KIF1A: variants seen among roughly 807,000 people sequenced by gnomAD.
KIF1A encodes kinesin-like protein KIF1A.
KIF1A carries 46 observed loss-of-function variants against 227.3 expected under a neutral mutation model. The observed-to-expected ratio is 0.20, with a 90% CI of 0.16 to 0.26. The LOEUF (loss-of-function observed/expected upper bound fraction) is 0.26, where lower values mean the gene tolerates loss of function less well. Among genes scored for constraint, KIF1A ranks in the 10% least tolerant of loss-of-function variants. The probability of loss-of-function intolerance (pLI) is 1.00; values close to 1 mark genes in which losing one functional copy is unlikely to be tolerated. For missense variants in KIF1A, 1,683 were observed against 2,485.9 expected (o/e 0.68, Z 6.87); for synonymous variants, 1,022 against 1,012.8 (o/e 1.01, Z -0.17).
intron 38 of KIF1A, among the ~76,000 whole-genome samples, chr2:240,729,352 T>C (rs1353524289): frequency 6.6e-6 from 1 of 152,138 alleles, no homozygotes; most frequent in African/African-American, 2.4e-5. Context: ...CCCTCACCCC[T>C]GGGCCCCAGG....
chr2:240,769,295 C>T (rs1049833346), intron 16 of KIF1A, 87 bp from the exon 17 acceptor site: 7 of 1,197,544 alleles, frequency 5.8e-6, no homozygotes, highest in Middle Eastern at 2.7e-4. Context: ...GGGCAGCGGG[C>T]CTGTGGCCAC....
Position 240,790,430 on chromosome 2 carries a change from G to A in KIF1A, c.107-1118C>T, listed in dbSNP as rs547581292. Among the ~76,000 whole-genome samples the A allele has an allele frequency of 2.3e-4, 35 of 152,156 alleles. No homozygotes were observed. Among genetic ancestry groups the A allele is most frequent in the Non-Finnish European group, 3.8e-4 (26 of 68,016 alleles). On this transcript the variant is annotated intron_variant, in intron 2 of 48. Transcript: ENST00000498729. The surrounding 1 kb of genome is among the most constrained non-coding windows in gnomAD (Gnocchi z 5.0). Reference sequence around the variant, plus strand: ...CCCGGATTGGTTTTCCTCAGCCAGCGTGGGCTGGGGGCCAGCGGCACAGCC... The same window carrying A: ...CCCGGATTGGTTTTCCTCAGCCAGCATGGGCTGGGGGCCAGCGGCACAGCC...
rs950648190 is a variant in KIF1A at position 240,789,754 on chromosome 2, C to T, written c.107-442G>A. 2.8e-4 allele frequency among the ~76,000 whole-genome samples: 43 copies of T among 152,226 alleles called. No individual in the cohort carries two copies. The highest frequency in any genetic ancestry group is 1.0e-3 in the African/African-American group (43 of 41,538). On this transcript the variant is annotated intron_variant, in intron 2 of 48. Coordinates refer to ENST00000498729, the MANE Select transcript of KIF1A (RefSeq NM_001244008.2). This position sits in a 1 kb window ranked among gnomAD's most constrained non-coding sequence, Gnocchi z 4.8. ...GCCCGAGAAGCGCTGGAAGCCTGGG[C>T]GTCCATCACGTTTGTGTTACGCCTG...
chr2:240,720,099 C>G, intron 45 of KIF1A, 173 bp from the exon 46 acceptor site: 1 of 539,342 alleles, frequency 1.9e-6, no homozygotes, highest in South Asian at 4.2e-5. Context: ...CCAGGATAGC[C>G]AAGCTTGTGC....
chr2:240,747,847 C>G (rs1386350171), intron 28 of KIF1A, among the ~76,000 whole-genome samples: 1 of 152,246 alleles, frequency 6.6e-6, no homozygotes, highest in Non-Finnish European at 1.5e-5. Flanking sequence ...CTCAGTGGAC[C>G]TGCTGCCTAA....
Position 240,758,277 on chromosome 2 carries a change from T to G in KIF1A, c.2582+83A>C. On this transcript the variant is annotated intron_variant, in intron 26 of 48. Transcript: ENST00000498729. The surrounding 1 kb of genome is among the most constrained non-coding windows in gnomAD (Gnocchi z 5.2). Reference sequence around the variant, plus strand: ...GCACTTGTCAGGGCCGCTCCTTGTATCAGGCCAGGGCCCACTCCTACCCCC... The same window carrying G: ...GCACTTGTCAGGGCCGCTCCTTGTAGCAGGCCAGGGCCCACTCCTACCCCC... The G allele has an allele frequency of 6.8e-7, 1 of 1,463,038 alleles. No homozygotes were observed. The highest frequency in any genetic ancestry group is 9.2e-7 in the Non-Finnish European group (1 of 1,088,958). The allele number at this position is 1,463,038 out of a possible 1,614,324, so 90.6% of individuals were successfully genotyped here. A position where few individuals can be genotyped will look rare whatever the true frequency, so the allele number is the denominator to read the frequency against.
intron 1 of KIF1A, among the ~76,000 whole-genome samples, chr2:240,801,133 A>T (rs1410339896): frequency 6.6e-6 from 1 of 152,222 alleles, no homozygotes; most frequent in Non-Finnish European, 1.5e-5. Flanking sequence ...AACAAAGAGG[A>T]AAAATAAAAT....
intron 2 of KIF1A, among the ~76,000 whole-genome samples, chr2:240,796,439 C>G (rs930645166): frequency 3.3e-5 from 5 of 152,220 alleles, no homozygotes; most frequent in Non-Finnish European, 7.3e-5. Context: ...ACGGAGGTCA[C>G]CCACTTACGA....
At position 240,739,377 on chromosome 2, in the gene KIF1A, T is replaced by C. The variant is rs946983139; in HGVS notation, c.3901+681A>G. ...AACATGAGGTCATGGAAGAAAAGAG[T>C]GTAAGATCCTTGGTGATGGTTATGG... On this transcript the variant is annotated intron_variant, in intron 37 of 48. Transcript: ENST00000498729. This position sits in a 1 kb window ranked among gnomAD's most constrained non-coding sequence, Gnocchi z 5.6. 8.5e-5 allele frequency among the ~76,000 whole-genome samples: 13 copies of C among 152,048 alleles called. No homozygotes were observed. The highest frequency in any genetic ancestry group is 3.1e-4 in the African/African-American group (13 of 41,376).
chr2:240,806,757 G>A (rs2057436260), intron 1 of KIF1A, among the ~76,000 whole-genome samples: 1 of 151,994 alleles, frequency 6.6e-6, no homozygotes. Flanking sequence ...ATAAGCAATA[G>A]AAACATGAAT....
upstream of KIF1A, among the ~76,000 whole-genome samples, chr2:240,820,948 C>T (rs1262685981): frequency 2.6e-5 from 4 of 152,128 alleles, no homozygotes; most frequent in Non-Finnish European, 2.9e-5. This position sits in a 1 kb window ranked among gnomAD's most constrained non-coding sequence, Gnocchi z 6.2. Flanking sequence ...CCTTGGACCC[C>T]CAAGTCACAC....
At chr2:240,734,398 G>T (rs1575542212) in intron 38 of KIF1A, among the ~76,000 whole-genome samples, 1 of 152,176 alleles carries the variant, frequency 6.6e-6, no homozygotes, top group Non-Finnish European at 1.5e-5. Context: ...GGCAGGCAAG[G>T]CTGGGGCAGG....
intron 44 of KIF1A, 139 bp from the exon 45 acceptor site, chr2:240,721,177 A>C: frequency 8.5e-7 from 1 of 1,181,874 alleles, no homozygotes; most frequent in Non-Finnish European, 1.2e-6. Context: ...CCTTGGCTCA[A>C]AGTTGGCCAG....
chr2:240,762,681 C>T, intron 23 of KIF1A, 38 bp downstream of exon 23: 4 of 1,534,740 alleles, frequency 2.6e-6, no homozygotes, highest in Non-Finnish European at 3.5e-6. Flanking sequence ...TGCTGAGACC[C>T]TCCTGACGCA....
chr2:240,779,281 C>G (rs866540096), intron 10 of KIF1A, among the ~76,000 whole-genome samples: 8 of 128,440 alleles, frequency 6.2e-5, no homozygotes, highest in African/African-American at 1.8e-4. Flanking sequence ...CACTTCCTCA[C>G]TCAGTTCCTC....
chr2:240,714,524 A>C lies in KIF1A; in HGVS notation c.*2840T>G, dbSNP rs771582093. The stretch of plus-strand genomic sequence containing the variant: ...CCATCTGAGGGAGACGGCTTTCCAG[A>C]TCTGTCTCACCTCCCCCACTTAGCA... On this transcript the variant is annotated 3_prime_UTR_variant, in exon 49 of 49. Transcript: ENST00000498729. 2 of 152,102 alleles carry C rather than the reference A, an allele frequency of 1.3e-5. No individual in the cohort carries two copies. Among genetic ancestry groups the C allele is most frequent in the African/African-American group, 4.8e-5 (2 of 41,322 alleles). The allele number at this position is 152,102 out of a possible 1,614,324, so 9.4% of individuals were successfully genotyped here.
intron 15 of KIF1A, 27 bp downstream of exon 15, chr2:240,770,944 C>T: frequency 6.2e-7 from 1 of 1,606,606 alleles, no homozygotes; most frequent in Non-Finnish European, 8.5e-7. Context: ...GAGTCTGACA[C>T]CCTGAAGCCC....
At position 240,743,950 on chromosome 2, in the gene KIF1A, G is replaced by A. The variant is rs773965535; in HGVS notation, c.3576C>T (p.Asp1192=). ...QQHPFPPLCK[D]VLSPLRPSRR... The stretch of plus-strand genomic sequence containing the variant: ...CGACCCAGGGCGCTAACCTGAGCAC[G>A]TCCTTGCAGAGGGGCGGGAACGGGT... Residue 1192 remains aspartate (D), a synonymous_variant, in exon 33 of 49, where the codon GAC becomes GAT. Transcript: ENST00000498729. 82 of 1,611,912 alleles carry A rather than the reference G, an allele frequency of 5.1e-5. 1 individual carries two copies. The East Asian group carries it at 7.6e-4, about 15-fold the overall frequency.
Position 240,775,330 on chromosome 2 carries a change from G to A in KIF1A, c.958+521C>T, listed in dbSNP as rs1273651086. 2.6e-5 allele frequency among the ~76,000 whole-genome samples: 4 copies of A among 152,234 alleles called. No homozygotes were observed. Among genetic ancestry groups the A allele is most frequent in the East Asian group, 1.9e-4 (1 of 5,196 alleles). ...TCCCTGGGCATCAGCCTCTCCAGCT[G>A]TAAATGCAGTTGGGGAGGACTCTGA... On this transcript the variant is annotated intron_variant, in intron 11 of 48. Transcript: ENST00000498729. This position sits in a 1 kb window ranked among gnomAD's most constrained non-coding sequence, Gnocchi z 5.5.
Sources: gnomAD v4.1 joint callset for allele counts (sites outside exome capture counted in the v4.1 genomes callset) on GRCh38, gnomAD v4.1.1 for gene constraint, Gnocchi (gnomAD v3.1) non-coding constraint, MANE v1.5 for transcripts, NCBI Gene and HGNC (gene_info 2026-07-23, HGNC 2026-07-21) for gene names.